PFN2: variants seen among roughly 807,000 people sequenced by gnomAD.
The protein encoded by PFN2 is profilin-2.
A neutral mutation model predicts 15.3 loss-of-function variants in PFN2; 8 were observed. The observed-to-expected ratio is 0.52, with a 90% confidence interval of 0.31 to 0.95. The LOEUF (loss-of-function observed/expected upper bound fraction) is 0.95, where lower values mean the gene tolerates loss of function less well. PFN2 is among the 40% of genes least tolerant of loss of function. The pLI is 0.05. For synonymous variants in PFN2, 79 were observed against 67.9 expected (o/e 1.16, Z -0.81); for missense variants, 111 against 182.3 (o/e 0.61, Z 2.25).
chr3:149,968,293 A>T, intron 2 of PFN2, 65 bp downstream of exon 2: 1 of 1,453,112 alleles, frequency 6.9e-7, no homozygotes. Flanking sequence ...TCAAAATGTT[A>T]AAAGAAACTG....
chr3:149,970,462 G>A (rs1576620864), intron 1 of PFN2: 8 of 283,632 alleles, frequency 2.8e-5, no homozygotes, highest in East Asian at 2.4e-4. Flanking sequence ...CACCTGGACC[G>A]ACGCTGGGAA....
At chr3:149,968,331 CTT>C in intron 2 of PFN2, 25 bp downstream of exon 2, 1 of 1,600,214 alleles carries the variant, frequency 6.2e-7, no homozygotes, top group Non-Finnish European at 8.6e-7. Context: ...TGGCATGCAA[CTT>C]TAACCAAAAG....
rs777133123 is a variant in PFN2 at position 149,968,534 on chromosome 3, A to G, written c.149T>C (p.Met50Thr). The part of the protein sequence containing the change: ...FQSITPIEID[M>T]IVGKDREGFF... ...ACCTTCCCGGTCTTTTCCTACAATC[A>G]TATCTATTTCTATTGGCTGCCCCCC... The change falls in exon 2 of 3, where the codon ATG becomes ACG. Residue 50 changes from methionine (M) to threonine (T), a missense_variant. Around this residue, in one of 2 missense-constraint regions of PFN2, gnomAD observed 64 missense variants for 69.7 expected, o/e 0.92. Coordinates refer to ENST00000239940, the MANE Select transcript of PFN2 (RefSeq NM_053024.4). 16 of 1,609,768 alleles carry G rather than the reference A, an allele frequency of 9.9e-6. No homozygotes were observed. The highest frequency in any genetic ancestry group is 6.6e-5 in the South Asian group (6 of 90,724).
In PFN2 at chr3:149,966,369, C is replaced by G. The variant is rs1722692923; in HGVS notation, c.*120G>C. Reference sequence around the variant, plus strand: ...CACCAACAGAGGGATACAAAGGAGACACAGGTTCATACCCCATCACCCTGC... The same window carrying G: ...CACCAACAGAGGGATACAAAGGAGAGACAGGTTCATACCCCATCACCCTGC... On this transcript the variant is annotated 3_prime_UTR_variant, in exon 3 of 3. Coordinates refer to ENST00000239940, the MANE Select transcript of PFN2 (RefSeq NM_053024.4). 1.3e-6 allele frequency: 2 copies of G among 1,588,170 alleles called. No homozygotes were observed. Among genetic ancestry groups the G allele is most frequent in the African/African-American group, 1.3e-5 (1 of 74,088 alleles).
At position 149,966,489 on chromosome 3, in the gene PFN2, C is replaced by T; in HGVS notation, c.423G>A (p.Ter141=). The change falls in exon 3 of 3, where the codon TAG becomes TAA. Residue 141 remains the stop codon, a stop_retained_variant. Coordinates refer to ENST00000239940, the MANE Select transcript of PFN2 (RefSeq NM_053024.4). ...MAKYLRDSGF[*] is the part of the protein sequence containing the mutation. ...TAATACTTAACAGTCTGCCTAGCAG[C>T]TAGAACCCAGAGTCTCTCAAGTATT... 1 of 1,612,780 alleles carries T rather than the reference C, an allele frequency of 6.2e-7. No homozygotes were observed. The highest frequency in any genetic ancestry group is 2.2e-5 in the East Asian group (1 of 44,866).
rs1355892522 is a variant in PFN2, at chr3:149,965,553, TA to T, written c.*935del. 1.2e-5 allele frequency: 15 copies of T among 1,279,888 alleles called. No homozygotes were observed. In the African/African-American group the frequency reaches 2.3e-4, roughly 19 times the overall value. 79.3% of individuals were successfully genotyped at this position (1,279,888 alleles called of 1,614,324 possible). A position where few individuals can be genotyped will look rare whatever the true frequency, so the allele number is the denominator to read the frequency against. ...TCATATGTCCTGTAGACACTATGAA[TA>T]AAGGTTTGTCTCTGCTCAAGTGCAA... On this transcript the variant is annotated 3_prime_UTR_variant, in exon 3 of 3. Coordinates refer to ENST00000239940, the MANE Select transcript of PFN2 (RefSeq NM_053024.4).
chr3:149,970,781 A>T lies in PFN2; in HGVS notation c.76T>A (p.Cys26Ser). 6.6e-7 allele frequency: 1 copy of T among 1,515,120 alleles called. No homozygotes were observed. The highest frequency in any genetic ancestry group is 2.7e-5 in the East Asian group (1 of 36,528). The allele number at this position is 1,515,120 out of a possible 1,614,324, so 93.9% of individuals were successfully genotyped here. A position where few individuals can be genotyped will look rare whatever the true frequency, so the allele number is the denominator to read the frequency against. ...CCQEAAIVGY[C>S]DAKYVWAATA... ...GCTGCCCAGACGTATTTGGCGTCGCAGTAGCCGACAATGGCGGCCTCCTGG... is the reference window on the plus strand; with the variant it reads ...GCTGCCCAGACGTATTTGGCGTCGCTGTAGCCGACAATGGCGGCCTCCTGG... The change falls in exon 1 of 3, where the codon TGC becomes AGC. Residue 26 changes from cysteine (C) to serine (S), a missense_variant. Cys to Ser is a moderately radical substitution (Grantham distance 112). Around this residue, in one of 2 missense-constraint regions of PFN2, gnomAD observed 64 missense variants for 69.7 expected, o/e 0.92. Transcript: ENST00000239940.
chr3:149,966,155 G>A lies in PFN2; in HGVS notation c.*334C>T, dbSNP rs1262190047. 1.2e-5 allele frequency: 19 copies of A among 1,611,514 alleles called. No individual in the cohort carries two copies. The highest frequency in any genetic ancestry group is 6.7e-5 in the Admixed American group (4 of 59,638). On this transcript the variant is annotated 3_prime_UTR_variant, in exon 3 of 3. Transcript: ENST00000239940. ...GATGAAGACAGTTGCTAGGTAGATG[G>A]GGAGAGGCTGCTTACACATCAGACC... is the stretch of plus-strand genomic sequence containing the variant.
intron 2 of PFN2, among the ~76,000 whole-genome samples, chr3:149,967,444 T>C (rs558789830): frequency 5.9e-4 from 90 of 152,336 alleles, no homozygotes; most frequent in Non-Finnish European, 1.0e-3. Context: ...CACACCAGAA[T>C]ACGAGTAACT....
chr3:149,966,367 GAC>G lies in PFN2; in HGVS notation c.*120_*121del, dbSNP rs1160278263. ...CCCACCAACAGAGGGATACAAAGGA[GAC>G]ACAGGTTCATACCCCATCACCCTGC... On this transcript the variant is annotated 3_prime_UTR_variant, in exon 3 of 3. Transcript: ENST00000239940. 7 of 1,588,570 alleles carry G rather than the reference GAC, an allele frequency of 4.4e-6. No homozygotes were observed. In the East Asian group the frequency reaches 1.6e-4, roughly 35 times the overall value.
At position 149,966,015 on chromosome 3, in the gene PFN2, G is replaced by C; in HGVS notation, c.*474C>G. ...AGATAAGGGTTGGTTACATACAGTGGTTAACATACAAATGATCCATTGGGC... is the reference window on the plus strand; with the variant it reads ...AGATAAGGGTTGGTTACATACAGTGCTTAACATACAAATGATCCATTGGGC... On this transcript the variant is annotated 3_prime_UTR_variant, in exon 3 of 3. Transcript: ENST00000239940. 6.8e-7 allele frequency: 1 copy of C among 1,462,342 alleles called. No individual in the cohort carries two copies. The highest frequency in any genetic ancestry group is 9.0e-7 in the Non-Finnish European group (1 of 1,112,098). 90.6% of individuals were successfully genotyped at this position (1,462,342 alleles called of 1,614,324 possible).
chr3:149,965,803 AAAT>A lies in PFN2; in HGVS notation c.*683_*685del. 9.4e-7 allele frequency: 1 copy of A among 1,069,198 alleles called. No homozygotes were observed. The highest frequency in any genetic ancestry group is 3.7e-5 in the South Asian group (1 of 27,298). The allele number at this position is 1,069,198 out of a possible 1,614,324, so 66.2% of individuals were successfully genotyped here. A position where few individuals can be genotyped will look rare whatever the true frequency, so the allele number is the denominator to read the frequency against. On this transcript the variant is annotated 3_prime_UTR_variant, in exon 3 of 3. Coordinates refer to ENST00000239940, the MANE Select transcript of PFN2 (RefSeq NM_053024.4). ...AAAAGGAAGACTAAATGAGCCAAGT[AAAT>A]GCTCAAAGTGCTGAAAAGACACTGA...
In PFN2 at chr3:149,965,114, G is replaced by T; in HGVS notation, c.*1375C>A. ...AAACAATAGAAGCAAATACTAGAAT[G>T]TCCCTAAAGTAGTGCCATTCGAAAG... On this transcript the variant is annotated 3_prime_UTR_variant, in exon 3 of 3. Coordinates refer to ENST00000239940, the MANE Select transcript of PFN2 (RefSeq NM_053024.4). 2 of 780,912 alleles carry T rather than the reference G, an allele frequency of 2.6e-6. No individual in the cohort carries two copies. Among genetic ancestry groups the T allele is most frequent in the Non-Finnish European group, 3.9e-6 (2 of 512,692 alleles). The allele number at this position is 780,912 out of a possible 1,614,324, so 48.4% of individuals were successfully genotyped here. A position where few individuals can be genotyped will look rare whatever the true frequency, so the allele number is the denominator to read the frequency against.
rs1722668660 is a variant in PFN2 at position 149,965,776 on chromosome 3, A to G, written c.*713T>C. On this transcript the variant is annotated 3_prime_UTR_variant, in exon 3 of 3. Transcript: ENST00000239940. Reference sequence around the variant, plus strand: ...CACTTTTTCCTCCCAACCATGCGCTACAAAAGGAAGACTAAATGAGCCAAG... The same window carrying G: ...CACTTTTTCCTCCCAACCATGCGCTGCAAAAGGAAGACTAAATGAGCCAAG... The G allele has an allele frequency of 2.8e-6, 3 of 1,055,212 alleles. No individual in the cohort carries two copies. The highest frequency in any genetic ancestry group is 1.7e-5 in the African/African-American group (1 of 59,418). The allele number at this position is 1,055,212 out of a possible 1,614,324, so 65.4% of individuals were successfully genotyped here. A position where few individuals can be genotyped will look rare whatever the true frequency, so the allele number is the denominator to read the frequency against.
At chr3:149,970,062 A>C (rs527527457) in intron 1 of PFN2, among the ~76,000 whole-genome samples, 7 of 152,210 alleles carry the variant, frequency 4.6e-5, no homozygotes, top group Non-Finnish European at 8.8e-5. Context: ...AAAAAAAAAA[A>C]AAACAACCTA....
intron 1 of PFN2, 183 bp downstream of exon 1, chr3:149,970,542 G>A: frequency 4.3e-6 from 2 of 468,764 alleles, no homozygotes; most frequent in Non-Finnish European, 6.6e-6. Context: ...CGCAGCCCCG[G>A]GTGAGGGGGC....
At chr3:149,970,230 G>A (rs1393177721) in intron 1 of PFN2, 1 of 151,620 alleles carries the variant, frequency 6.6e-6, no homozygotes, top group African/African-American at 2.4e-5. Context: ...AGCCGGAGGC[G>A]CGGGAGGCGC....
intron 2 of PFN2, among the ~76,000 whole-genome samples, chr3:149,966,999 A>G (rs777005943): frequency 1.3e-5 from 2 of 152,226 alleles, no homozygotes; most frequent in Non-Finnish European, 2.9e-5. Flanking sequence ...AACATGCTTG[A>G]TAAGTTTAAA....
rs563340701 is a variant in PFN2, at chr3:149,965,134, C to T, written c.*1355G>A. 1.8e-5 allele frequency: 19 copies of T among 1,060,322 alleles called. No homozygotes were observed. The East Asian group carries it at 2.6e-4, about 15-fold the overall frequency. The allele number at this position is 1,060,322 out of a possible 1,614,324, so 65.7% of individuals were successfully genotyped here. ...AGAATGTCCCTAAAGTAGTGCCATTCGAAAGAAACCCTTAATAGGTCAGTT... is the reference window on the plus strand; with the variant it reads ...AGAATGTCCCTAAAGTAGTGCCATTTGAAAGAAACCCTTAATAGGTCAGTT... On this transcript the variant is annotated 3_prime_UTR_variant, in exon 3 of 3. Coordinates refer to ENST00000239940, the MANE Select transcript of PFN2 (RefSeq NM_053024.4).
Sources: allele counts gnomAD v4.1 joint callset (sites outside exome capture counted in the v4.1 genomes callset), GRCh38; gene constraint gnomAD v4.1.1; regional missense constraint gnomAD v4.1.1; transcripts MANE v1.5; gene names NCBI Gene and HGNC (gene_info 2026-07-23, HGNC 2026-07-21).